ERICH1: variants seen among roughly 807,000 people sequenced by gnomAD.
ERICH1 encodes the protein glutamate-rich protein 1.
A neutral mutation model predicts 39.6 loss-of-function variants in ERICH1; 56 were observed. The ratio of observed to expected loss-of-function variants is 1.41; its 90% confidence interval spans 1.14 to 1.77. The LOEUF is 1.77. ERICH1 is among the 40% of genes most tolerant of loss of function. The pLI, the probability that ERICH1 is intolerant of heterozygous loss-of-function variation, is 0.00. For synonymous variants in ERICH1, 313 were observed against 223.6 expected (o/e 1.40, Z -3.57); for missense variants, 826 against 575.4 (o/e 1.44, Z -4.45).
At position 664,306 on chromosome 8, in the gene ERICH1, C is replaced by T. The variant is rs558966203; in HGVS notation, c.*297G>A. 1,698 of 1,057,462 alleles carry T rather than the reference C, an allele frequency of 1.6e-3. 3 individuals are homozygous for T. Among genetic ancestry groups the T allele is most frequent in the Non-Finnish European group, 1.9e-3 (1,651 of 877,012 alleles). The allele number at this position is 1,057,462 out of a possible 1,614,324, so 65.5% of individuals were successfully genotyped here. ...AAAAATATATGAGCTTCAAACTATA[C>T]ATTTAACTTAACAGAATGTCCATTT... On this transcript the variant is annotated 3_prime_UTR_variant, in exon 6 of 6. Coordinates refer to ENST00000262109, the MANE Select transcript of ERICH1 (RefSeq NM_207332.3).
chr8:630,034 C>T lies in ERICH1; in HGVS notation c.977-14750G>A, dbSNP rs1363826259. Among the ~76,000 whole-genome samples the T allele has an allele frequency of 1.1e-3, 130 of 114,304 alleles. 1 individual carries two copies. The highest frequency in any genetic ancestry group is 2.3e-3 in the African/African-American group (56 of 24,566). The allele number at this position is 114,304 out of a possible 152,430, so 75.0% of individuals were successfully genotyped here. ...CAGACAAAGCTGACTCACACCCTCC[C>T]GTGACCACCCACACAGACAGAGCTG... is the stretch of plus-strand genomic sequence containing the variant. On this transcript the variant is annotated intron_variant, in intron 3 of 3. Transcript: ENST00000522706.
chr8:659,879 A>C (rs12675313), downstream of ERICH1, among the ~76,000 whole-genome samples: 1,160 of 13,910 alleles, frequency 0.083, 424 homozygotes, highest in East Asian at 0.66. Context: ...TGTGCACTGA[A>C]TATCCTGGGG....
intron 3 of ERICH1, among the ~76,000 whole-genome samples, chr8:632,334 A>AT (rs1798093825): frequency 6.6e-6 from 1 of 152,108 alleles, no homozygotes; most frequent in Non-Finnish European, 1.5e-5. Flanking sequence ...AGTAAAAAAA[A>AT]AATAATAATG....
At position 673,531 on chromosome 8, in the gene ERICH1, C is replaced by T. The variant is rs533536213; in HGVS notation, c.821G>A (p.Gly274Asp). The change falls in exon 4 of 6, where the codon GGT becomes GAT. Residue 274 changes from glycine (G) to aspartate (D), a missense_variant. Coordinates refer to ENST00000262109, the MANE Select transcript of ERICH1 (RefSeq NM_207332.3). ...EDVKDAREED[G>D]VDTIEEDLTR... Reference sequence around the variant, plus strand: ...CAGGTCTTCCTCAATGGTGTCCACACCGTCCTCCTCCCTGGCGTCTTTAAC... The same window carrying T: ...CAGGTCTTCCTCAATGGTGTCCACATCGTCCTCCTCCCTGGCGTCTTTAAC... 7.4e-6 allele frequency: 12 copies of T among 1,613,022 alleles called. No homozygotes were observed. Among genetic ancestry groups the T allele is most frequent in the East Asian group, 4.5e-5 (2 of 44,818 alleles).
chr8:629,416 AC>A (rs1392762532), intron 3 of ERICH1, among the ~76,000 whole-genome samples: 7 of 141,116 alleles, frequency 5.0e-5, no homozygotes, highest in Non-Finnish European at 9.6e-5. Context: ...GCTGACTCAC[AC>A]CCTCCTGTGA....
intron 3 of ERICH1, among the ~76,000 whole-genome samples, chr8:642,329 G>C (rs1799087035): frequency 6.9e-6 from 1 of 145,508 alleles, no homozygotes; most frequent in Admixed American, 7.2e-5. Context: ...GAATATCATG[G>C]TCTGGACTTT....
At chr8:638,662 G>T (rs962415920) in intron 3 of ERICH1, among the ~76,000 whole-genome samples, 1 of 152,152 alleles carries the variant, frequency 6.6e-6, no homozygotes, top group Non-Finnish European at 1.5e-5. Flanking sequence ...GATAATTTAA[G>T]TTGCTGTTGT....
intron 1 of ERICH1, among the ~76,000 whole-genome samples, chr8:724,891 G>A (rs558677960): frequency 9.3e-4 from 142 of 152,110 alleles, no homozygotes; most frequent in African/African-American, 2.6e-3. Flanking sequence ...CACCCACGCC[G>A]CCTGGCCCGG....
intron 3 of ERICH1, among the ~76,000 whole-genome samples, chr8:684,769 CAT>C (rs1354018461): frequency 1.3e-5 from 2 of 152,180 alleles, no homozygotes; most frequent in Non-Finnish European, 2.9e-5. Flanking sequence ...GGAGACATCA[CAT>C]GTCAGCAGGT....
At chr8:695,307 C>T (rs1165252258) in intron 2 of ERICH1, among the ~76,000 whole-genome samples, 1 of 152,090 alleles carries the variant, frequency 6.6e-6, no homozygotes, top group Non-Finnish European at 1.5e-5. Flanking sequence ...GCCTCCCTCT[C>T]CCCACAGCCC....
intron 2 of ERICH1, among the ~76,000 whole-genome samples, chr8:699,488 G>A (rs1159695183): frequency 6.6e-6 from 1 of 152,166 alleles, no homozygotes; most frequent in Non-Finnish European, 1.5e-5. Context: ...ATGCTGCCTG[G>A]TATCTCCGCT....
At chr8:677,978 C>G (rs1805242882) in intron 3 of ERICH1, among the ~76,000 whole-genome samples, 1 of 152,114 alleles carries the variant, frequency 6.6e-6, no homozygotes, top group Non-Finnish European at 1.5e-5. Flanking sequence ...ACAAGACAAA[C>G]AAATGGTTGC....
intron 2 of ERICH1, among the ~76,000 whole-genome samples, chr8:695,424 G>A (rs1247495309): frequency 6.6e-6 from 1 of 151,938 alleles, no homozygotes; most frequent in East Asian, 1.9e-4. Flanking sequence ...AGATCCTTAC[G>A]CCGCTCACCT....
chr8:665,832 C>T (rs764592802), intron 5 of ERICH1, among the ~76,000 whole-genome samples: 20 of 152,318 alleles, frequency 1.3e-4, no homozygotes, highest in Non-Finnish European at 2.9e-4. Context: ...AAAACACCCA[C>T]ACCTGCTTCT....
chr8:626,487 C>G (rs542640751), intron 3 of ERICH1: 5 of 153,244 alleles, frequency 3.3e-5, no homozygotes, highest in African/African-American at 7.2e-5. Context: ...ACACTAATAA[C>G]ATGGTGCCCA....
At chr8:630,491 C>T (rs1797941522) in intron 3 of ERICH1, among the ~76,000 whole-genome samples, 1 of 130,468 alleles carries the variant, frequency 7.7e-6, no homozygotes, top group African/African-American at 3.0e-5. Context: ...ACACACCCTC[C>T]TGTGACCACC....
chr8:686,954 G>A (rs937840658), intron 3 of ERICH1, among the ~76,000 whole-genome samples: 2 of 151,312 alleles, frequency 1.3e-5, no homozygotes, highest in African/African-American at 2.4e-5. Flanking sequence ...GCGGGGGGCA[G>A]CCCCATCACC....
chr8:675,775 C>T (rs1487942577), intron 3 of ERICH1, among the ~76,000 whole-genome samples: 1 of 3,382 alleles, frequency 3.0e-4, no homozygotes, highest in Non-Finnish European at 5.0e-4. Context: ...GACAGAGACG[C>T]GGCGGCCCCT....
intron 2 of ERICH1, among the ~76,000 whole-genome samples, chr8:710,782 G>A (rs1026411376): frequency 1.2e-4 from 19 of 152,280 alleles, no homozygotes; most frequent in Middle Eastern, 3.4e-3. Flanking sequence ...ACTTACTGAA[G>A]GACATCTTCG....
Sources: gnomAD v4.1 joint callset for allele counts (sites outside exome capture counted in the v4.1 genomes callset) on GRCh38, gnomAD v4.1.1 for gene constraint, MANE v1.5 for transcripts, NCBI Gene and HGNC (gene_info 2026-07-23, HGNC 2026-07-21) for gene names.